Variants in TNIP3 observed in about 807,000 individuals in gnomAD.
TNIP3 encodes TNFAIP3-interacting protein 3.
A neutral mutation model predicts 54.1 loss-of-function variants in TNIP3; 34 were observed. That is an observed-to-expected ratio of 0.63 (90% CI 0.48 to 0.84). The LOEUF (loss-of-function observed/expected upper bound fraction) is 0.84, where lower values mean the gene tolerates loss of function less well. Among genes scored for constraint, TNIP3 ranks in the 40% least tolerant of loss-of-function variants. The pLI, the probability that TNIP3 is intolerant of heterozygous loss-of-function variation, is 0.00. For synonymous variants in TNIP3, 134 were observed against 136.8 expected (o/e 0.98, Z 0.14); for missense variants, 366 against 387.6 (o/e 0.94, Z 0.47).
chr4:121,215,175 A>G (rs1219192617), intron 2 of TNIP3, among the ~76,000 whole-genome samples: 1 of 152,124 alleles, frequency 6.6e-6, no homozygotes, highest in African/African-American at 2.4e-5. Flanking sequence ...AAAATTCTTA[A>G]TGGTACCCCT....
intron 2 of TNIP3, among the ~76,000 whole-genome samples, chr4:121,215,631 C>G (rs1487257737): frequency 6.6e-6 from 1 of 151,956 alleles, no homozygotes; most frequent in African/African-American, 2.4e-5. Context: ...TTCTCTTTAC[C>G]AGAAATTAGG....
At chr4:121,167,634 T>C (rs1037702414), upstream of TNIP3, among the ~76,000 whole-genome samples, 2 of 152,190 alleles carry the variant, frequency 1.3e-5, no homozygotes, top group Non-Finnish European at 2.9e-5. Context: ...TTATAGGCCA[T>C]ATGGAGTTAC....
chr4:121,203,086 A>T (rs1469035988), intron 2 of TNIP3, among the ~76,000 whole-genome samples: 5 of 152,192 alleles, frequency 3.3e-5, no homozygotes, highest in Non-Finnish European at 7.4e-5. Flanking sequence ...ATATCTACCC[A>T]GAGGAAAGGA....
chr4:121,175,534 G>A (rs1724261808), intron 3 of TNIP3, among the ~76,000 whole-genome samples: 1 of 152,136 alleles, frequency 6.6e-6, no homozygotes, highest in Non-Finnish European at 1.5e-5. Context: ...GTTCACTAAG[G>A]CAGAGAGAAT....
chr4:121,210,229 T>A (rs188148813), intron 2 of TNIP3, among the ~76,000 whole-genome samples: 24 of 151,140 alleles, frequency 1.6e-4, no homozygotes, highest in Admixed American at 3.3e-4. Context: ...AATTATAATT[T>A]ATAATAAAGA....
chr4:121,134,514 A>G (rs1250618633), intron 10 of TNIP3, among the ~76,000 whole-genome samples: 2 of 152,234 alleles, frequency 1.3e-5, no homozygotes, highest in African/African-American at 2.4e-5. Context: ...GTGGACTTCA[A>G]TGTATTAAAA....
At chr4:121,195,736 A>C (rs2148835944) in intron 2 of TNIP3, among the ~76,000 whole-genome samples, 1 of 152,344 alleles carries the variant, frequency 6.6e-6, no homozygotes, top group South Asian at 2.1e-4. Flanking sequence ...CAAATTCCTA[A>C]AACTGGGTAA....
At chr4:121,207,754 C>T (rs1050820565) in intron 2 of TNIP3, among the ~76,000 whole-genome samples, 1 of 152,188 alleles carries the variant, frequency 6.6e-6, no homozygotes, top group Non-Finnish European at 1.5e-5. Context: ...TGACCTTATT[C>T]ACTCCTGGAT....
intron 8 of TNIP3, 58 bp from the exon 9 acceptor site, chr4:121,141,972 G>T: frequency 8.2e-7 from 1 of 1,217,372 alleles, no homozygotes; most frequent in Non-Finnish European, 1.1e-6. Flanking sequence ...GAGTTGCAGT[G>T]ACATTGCTTT....
At chr4:121,180,118 G>A (rs1009983858) in intron 3 of TNIP3, among the ~76,000 whole-genome samples, 6 of 151,902 alleles carry the variant, frequency 3.9e-5, no homozygotes, top group South Asian at 2.1e-4. Context: ...TATAGATGTC[G>A]GGCTGGGCGC....
chr4:121,167,838 G>A (rs1367272042), upstream of TNIP3, among the ~76,000 whole-genome samples: 1 of 152,088 alleles, frequency 6.6e-6, no homozygotes, highest in Non-Finnish European at 1.5e-5. Context: ...AGGGGCACTA[G>A]GAATGGACCA....
chr4:121,224,208 C>T (rs4833708), intron 1 of TNIP3, among the ~76,000 whole-genome samples: 80,926 of 151,724 alleles, frequency 0.53, 22,004 homozygotes, highest in South Asian at 0.75. Context: ...ACTAAAAGTA[C>T]AAAAATTAGC....
intron 1 of TNIP3, among the ~76,000 whole-genome samples, chr4:121,162,643 G>A (rs946330973): frequency 1.3e-5 from 2 of 152,168 alleles, no homozygotes; most frequent in Non-Finnish European, 1.5e-5. Flanking sequence ...AGCAAAGTAG[G>A]GGCACAGTAA....
chr4:121,200,267 G>C (rs1318763514), intron 2 of TNIP3, among the ~76,000 whole-genome samples: 1 of 151,436 alleles, frequency 6.6e-6, no homozygotes, highest in Non-Finnish European at 1.5e-5. Flanking sequence ...GAAGAGTTTC[G>C]ACAGAGATGC....
At chr4:121,164,038 T>A (rs765040751) in intron 1 of TNIP3, 22 bp downstream of exon 1, 1 of 1,612,918 alleles carries the variant, frequency 6.2e-7, no homozygotes, top group Admixed American at 1.7e-5. Flanking sequence ...GATCAACTCA[T>A]CTCCTAGAAA....
At chr4:121,138,537 C>T (rs904300706) in intron 10 of TNIP3, 87 bp downstream of exon 10, 14 of 1,272,908 alleles carry the variant, frequency 1.1e-5, no homozygotes, top group Admixed American at 5.2e-5. Flanking sequence ...TCCCCAAGTA[C>T]GAATGAATGT....
At chr4:121,170,241 T>G (rs1028805175) in intron 3 of TNIP3, among the ~76,000 whole-genome samples, 3 of 152,238 alleles carry the variant, frequency 2.0e-5, no homozygotes, top group Non-Finnish European at 4.4e-5. Flanking sequence ...TCGATATTTA[T>G]CACTTTAGCC....
At chr4:121,196,403 G>C (rs1465153183) in intron 2 of TNIP3, among the ~76,000 whole-genome samples, 1 of 151,992 alleles carries the variant, frequency 6.6e-6, no homozygotes, top group African/African-American at 2.4e-5. Context: ...TTTTTTTTAA[G>C]TTAGAAAATA....
rs1387246051 is a variant in TNIP3, at chr4:121,138,680, T to G, written c.890A>C (p.Asp297Ala). 3 of 1,613,734 alleles carry G rather than the reference T, an allele frequency of 1.9e-6. No individual in the cohort carries two copies. In the Admixed American group the frequency reaches 5.0e-5, roughly 27 times the overall value. The change falls in exon 10 of 11, where the codon GAC becomes GCC. Residue 297 changes from aspartate (D) to alanine (A), a missense_variant. Physicochemically the swap from Asp to Ala is moderately radical, Grantham distance 126 (BLOSUM62 -2). Transcript: ENST00000057513. The part of the protein sequence containing the change: ...AVQKQREHPP[D>A]YQWYALDQLP... ...CTGGTCAAGAGCATACCACTGATAG[T>G]CTGGCTGTGTGGAACAATACAACAT...
Sources: gnomAD v4.1 joint callset for allele counts (sites outside exome capture counted in the v4.1 genomes callset) on GRCh38, gnomAD v4.1.1 for gene constraint, MANE v1.5 for transcripts, NCBI Gene and HGNC (gene_info 2026-07-23, HGNC 2026-07-21) for gene names.